Variants in ECSCR observed in about 807,000 individuals in gnomAD.
ECSCR encodes the protein endothelial cell surface expressed chemotaxis and apoptosis regulator, also known as endothelial cell-specific chemotaxis regulator.
Under a neutral mutation model 16.7 loss-of-function variants are expected in ECSCR, and 12 were observed. The observed-to-expected ratio is 0.72, with a 90% confidence interval of 0.46 to 1.17. The LOEUF (loss-of-function observed/expected upper bound fraction) is 1.17. Among genes scored for constraint, ECSCR ranks in the 50% most tolerant of loss-of-function variants. ECSCR has a pLI of 0.00. For missense variants in ECSCR, 122 were observed against 116.1 expected, an observed-to-expected ratio of 1.05 and a Z score of -0.23; for synonymous variants, 44 against 42.2, an observed-to-expected ratio of 1.04 and a Z score of -0.17.
At chr5:139,460,296 C>G (rs545470009) in intron 1 of ECSCR, among the ~76,000 whole-genome samples, 5 of 151,908 alleles carry the variant, frequency 3.3e-5, no homozygotes, top group Non-Finnish European at 7.4e-5. Flanking sequence ...CCACCATGCC[C>G]GGCTAATTTT....
At chr5:139,458,845 CAAA>C (rs1264082615) in intron 1 of ECSCR, among the ~76,000 whole-genome samples, 6 of 89,042 alleles carry the variant, frequency 6.7e-5, no homozygotes, top group Admixed American at 1.2e-4. Flanking sequence ...GACTCTGTCT[CAAA>C]AAAAAAAAAA....
chr5:139,456,423 C>A, intron 5 of ECSCR, 51 bp downstream of exon 5: 2 of 398,324 alleles, frequency 5.0e-6, no homozygotes, highest in South Asian at 2.6e-4. Context: ...GAGAAAGGGT[C>A]ACAGACATCT....
At chr5:139,460,477 G>T (rs1405356064) in intron 1 of ECSCR, among the ~76,000 whole-genome samples, 2 of 152,090 alleles carry the variant, frequency 1.3e-5, no homozygotes, top group African/African-American at 4.8e-5. Context: ...CTTAGTTTTT[G>T]GTGGGAAGGT....
intron 6 of ECSCR, 32 bp from the exon 7 acceptor site, chr5:139,454,955 C>CA (rs1751124965): frequency 2.5e-6 from 1 of 398,736 alleles, no homozygotes; most frequent in Non-Finnish European, 4.4e-6. Context: ...GTGAAGGGGG[C>CA]CAGTCGGGGG....
intron 8 of ECSCR, among the ~76,000 whole-genome samples, chr5:139,451,894 GTGTT>G (rs1415693355): frequency 6.6e-6 from 1 of 151,178 alleles, no homozygotes; most frequent in African/African-American, 2.4e-5. Context: ...TGGGGTGTGT[GTGTT>G]TGTGCTGTGG....
intron 8 of ECSCR, among the ~76,000 whole-genome samples, chr5:139,451,575 TG>T: frequency 6.9e-6 from 1 of 145,588 alleles, no homozygotes; most frequent in South Asian, 2.2e-4. Context: ...GTGTGTGGTG[TG>T]GTGTGTGTGT....
chr5:139,459,589 A>G (rs1364934356), intron 1 of ECSCR, among the ~76,000 whole-genome samples: 3 of 152,222 alleles, frequency 2.0e-5, no homozygotes, highest in Non-Finnish European at 4.4e-5. Context: ...GTATTTGCTC[A>G]TTTTCCACAA....
At chr5:139,451,695 G>C (rs1751052785) in intron 8 of ECSCR, among the ~76,000 whole-genome samples, 1 of 139,578 alleles carries the variant, frequency 7.2e-6, no homozygotes, top group Non-Finnish European at 1.6e-5. Flanking sequence ...GTGTGATGTG[G>C]GTATGCGTGG....
chr5:139,460,110 C>A lies in ECSCR; in HGVS notation c.62-1927G>T, dbSNP rs77416938. ...CTGAAAACATGTATCAGTTACTAAT[C>A]CAGCATATGTAATGTATTTTTTGTT... On this transcript the variant is annotated intron_variant, in intron 1 of 9. Transcript: ENST00000618155. Among the ~76,000 whole-genome samples, 1,241 of 152,114 alleles carry A rather than the reference C, an allele frequency of 8.2e-3. 7 individuals are homozygous for A. Among genetic ancestry groups the A allele is most frequent in the Non-Finnish European group, 0.012 (845 of 67,990 alleles).
At chr5:139,449,266 T>G (rs993214063) in intron 8 of ECSCR, 92 bp from the exon 9 acceptor site, 55 of 927,430 alleles carry the variant, frequency 5.9e-5, no homozygotes, top group Non-Finnish European at 9.1e-5. Context: ...CTTAGACCTT[T>G]GTCTCAAAAA....
At chr5:139,452,479 G>GTATAGTA (rs2152088547) in intron 8 of ECSCR, among the ~76,000 whole-genome samples, 5 of 53,052 alleles carry the variant, frequency 9.4e-5, no homozygotes, top group South Asian at 1.3e-3. Context: ...AGTGTGGGGT[G>GTATAGTA]TGGAGTGTGT....
chr5:139,450,633 G>T (rs574699322), intron 8 of ECSCR, among the ~76,000 whole-genome samples: 14 of 151,796 alleles, frequency 9.2e-5, no homozygotes, highest in Non-Finnish European at 1.6e-4. Context: ...AAAATTAGTT[G>T]GGTGTGGTGG....
rs200119891 is a variant in ECSCR at position 139,460,033 on chromosome 5, C to T, written c.62-1850G>A. ...ATAGGAAGCCCAGGCTAGAGAAAAC[C>T]CTTTCTAGCTGGGGAGGACCCTTGG... On this transcript the variant is annotated intron_variant, in intron 1 of 9. Transcript: ENST00000618155. Among the ~76,000 whole-genome samples the T allele has an allele frequency of 5.9e-5, 9 of 152,276 alleles. No homozygotes were observed. The East Asian group carries it at 1.5e-3, about 26-fold the overall frequency.
chr5:139,458,500 CAA>C (rs397882364), intron 1 of ECSCR, among the ~76,000 whole-genome samples: 89 of 85,304 alleles, frequency 1.0e-3, no homozygotes, highest in East Asian at 3.7e-3. Flanking sequence ...CCTATCTCAA[CAA>C]AAAAAAAAAA....
intron 1 of ECSCR, among the ~76,000 whole-genome samples, chr5:139,458,500 C>CAAAAAAAAAAAAAAAAAAA (rs397882364): frequency 2.7e-4 from 23 of 85,354 alleles, no homozygotes; most frequent in African/African-American, 9.0e-4. Context: ...CCTATCTCAA[C>CAAAAAAAAAAAAAAAAAAA]AAAAAAAAAA....
chr5:139,458,273 C>T, intron 1 of ECSCR, 90 bp from the exon 2 acceptor site: 1 of 1,289,094 alleles, frequency 7.8e-7, no homozygotes, highest in Admixed American at 2.2e-5. Context: ...TCTGGCCCAG[C>T]CTGGGCAACA....
chr5:139,451,299 T>G (rs1751039095), intron 8 of ECSCR, among the ~76,000 whole-genome samples: 1 of 144,212 alleles, frequency 6.9e-6, no homozygotes, highest in South Asian at 2.2e-4. Context: ...TGTGGGGGAG[T>G]GTGTATGTGT....
intron 1 of ECSCR, among the ~76,000 whole-genome samples, chr5:139,460,916 C>T (rs1307439077): frequency 6.6e-6 from 1 of 152,168 alleles, no homozygotes; most frequent in African/African-American, 2.4e-5. Context: ...GGCTTTGTCG[C>T]TGTCTGACCT....
chr5:139,453,854 G>T (rs2152088791), intron 8 of ECSCR, among the ~76,000 whole-genome samples: 1 of 147,032 alleles, frequency 6.8e-6, no homozygotes, highest in African/African-American at 2.5e-5. Flanking sequence ...TGTAGTGTGG[G>T]AGGTGCAGTG....
Sources: allele counts gnomAD v4.1 joint callset (sites outside exome capture counted in the v4.1 genomes callset), GRCh38; gene constraint gnomAD v4.1.1; transcripts MANE v1.5; gene names NCBI Gene and HGNC (gene_info 2026-07-23, HGNC 2026-07-21).